The following RMST variants were observed in gnomAD, a reference collection of about 807,000 sequenced individuals.
The protein encoded by RMST is long intergenic non-protein coding RNA 54.
intron 11 of RMST, among the ~76,000 whole-genome samples, chr12:97,537,959 A>G (rs1399617482): frequency 1.3e-5 from 2 of 151,398 alleles, no homozygotes; most frequent in Non-Finnish European, 3.0e-5. Flanking sequence ...GTACATCCAG[A>G]CACATCTATT....
intron 10 of RMST, among the ~76,000 whole-genome samples, chr12:97,500,443 C>G (rs1227391421): frequency 6.6e-6 from 1 of 152,186 alleles, no homozygotes; most frequent in Non-Finnish European, 1.5e-5. Flanking sequence ...TATCAAGAAC[C>G]TACTGTGCAT....
intron 5 of RMST, among the ~76,000 whole-genome samples, chr12:97,483,124 G>A (rs1302341247): frequency 6.6e-6 from 1 of 151,994 alleles, no homozygotes; most frequent in Non-Finnish European, 1.5e-5. Flanking sequence ...CGAATTTTTA[G>A]TTTCTTGGCC....
intron 10 of RMST, among the ~76,000 whole-genome samples, chr12:97,512,766 A>G (rs1879509431): frequency 1.3e-5 from 2 of 152,216 alleles, no homozygotes; most frequent in South Asian, 4.1e-4. Context: ...GCTGCCTGCC[A>G]ATCCCGCGCC....
chr12:97,545,684 G>T (rs1225960152), intron 11 of RMST, among the ~76,000 whole-genome samples: 1 of 152,040 alleles, frequency 6.6e-6, no homozygotes, highest in Non-Finnish European at 1.5e-5. Flanking sequence ...TAGGGCTAGG[G>T]ATATTTGCGT....
chr12:97,543,600 G>A (rs539594262), intron 11 of RMST, among the ~76,000 whole-genome samples: 49 of 152,056 alleles, frequency 3.2e-4, no homozygotes, highest in African/African-American at 9.6e-4. Flanking sequence ...AATGATGTGC[G>A]TATGACTATG....
intron 11 of RMST, among the ~76,000 whole-genome samples, chr12:97,544,498 T>A (rs1239326630): frequency 1.3e-5 from 2 of 151,920 alleles, no homozygotes; most frequent in African/African-American, 4.8e-5. Context: ...GGACAGTACG[T>A]TCAATGTAAT....
At chr12:97,526,014 C>T (rs980657437) in intron 10 of RMST, among the ~76,000 whole-genome samples, 6 of 151,958 alleles carry the variant, frequency 3.9e-5, no homozygotes, top group Non-Finnish European at 7.4e-5. Flanking sequence ...CTGTCACTGT[C>T]CCCATCACCC....
intron 11 of RMST, among the ~76,000 whole-genome samples, chr12:97,535,240 A>T: frequency 6.6e-6 from 1 of 151,714 alleles, no homozygotes. Flanking sequence ...TTAGTTTTCT[A>T]GGACTAGTTT....
At chr12:97,466,241 T>TAATCATTG (rs1203458983) in intron 5 of RMST, among the ~76,000 whole-genome samples, 1 of 152,194 alleles carries the variant, frequency 6.6e-6, no homozygotes, top group African/African-American at 2.4e-5. Flanking sequence ...GGCGTACAAG[T>TAATCATTG]AATCATTGTG....
At chr12:97,564,940 C>A (rs1019411282) in exon 14 of RMST, 8 of 152,100 alleles carry the variant, frequency 5.3e-5, no homozygotes, top group African/African-American at 1.9e-4. Flanking sequence ...TTTACTTTTG[C>A]TTGAAGTGTT....
intron 10 of RMST, among the ~76,000 whole-genome samples, chr12:97,529,536 A>G (rs1409936719): frequency 2.0e-5 from 3 of 152,064 alleles, no homozygotes; most frequent in East Asian, 3.9e-4. Context: ...ATTTATTGAT[A>G]AATATAACTT....
Position 97,468,691 on chromosome 12 carries a change from T to C in RMST, n.644+2964T>C, listed in dbSNP as rs1048224910. Among the ~76,000 whole-genome samples, 3 of 152,000 alleles carry C rather than the reference T, an allele frequency of 2.0e-5. No homozygotes were observed. In the East Asian group the frequency reaches 5.8e-4, roughly 29 times the overall value. ...TGTAGTTAATTATCACGATCTCAAG[T>C]GTTTTAATATAGTTTACCGTAGAGA... is the stretch of plus-strand genomic sequence containing the variant. On this transcript the variant is annotated intron_variant and non_coding_transcript_variant, in intron 5 of 13. Coordinates refer to ENST00000640149, the Ensembl canonical transcript of RMST.
At chr12:97,468,772 A>G (rs1565915371) in intron 5 of RMST, among the ~76,000 whole-genome samples, 1 of 152,036 alleles carries the variant, frequency 6.6e-6, no homozygotes, top group Non-Finnish European at 1.5e-5. Context: ...AATTTGCTAG[A>G]AATTGGAAAC....
At chr12:97,532,160 A>C (rs1425543438) in intron 11 of RMST, among the ~76,000 whole-genome samples, 1 of 151,984 alleles carries the variant, frequency 6.6e-6, no homozygotes, top group Non-Finnish European at 1.5e-5. Flanking sequence ...GTGGAGATTT[A>C]AATCATTATT....
intron 10 of RMST, among the ~76,000 whole-genome samples, chr12:97,506,181 G>A (rs761684510): frequency 1.7e-4 from 24 of 141,054 alleles, no homozygotes; most frequent in African/African-American, 1.9e-4. Flanking sequence ...ATTAAAAGGC[G>A]TTTATTAGCA....
At chr12:97,512,021 A>T (rs1592711388) in intron 10 of RMST, among the ~76,000 whole-genome samples, 1 of 152,296 alleles carries the variant, frequency 6.6e-6, no homozygotes, top group East Asian at 1.9e-4. Context: ...ACAGTTCTTA[A>T]AGGTGGCGTG....
chr12:97,517,466 C>T (rs1565929589), intron 10 of RMST, among the ~76,000 whole-genome samples: 1 of 151,860 alleles, frequency 6.6e-6, no homozygotes, highest in African/African-American at 2.4e-5. Flanking sequence ...TTCTCCAGAT[C>T]TGCCAGTTAA....
chr12:97,463,312 A>T (rs1035680681), intron 4 of RMST: 2 of 151,968 alleles, frequency 1.3e-5, no homozygotes, highest in African/African-American at 2.4e-5. Context: ...TTATGCCCTG[A>T]TTCTTGTATT....
At chr12:97,563,899 T>C (rs377622561) in intron 13 of RMST, 16 of 509,538 alleles carry the variant, frequency 3.1e-5, no homozygotes, top group African/African-American at 2.9e-4. Flanking sequence ...ATGAAATACA[T>C]TGTGAAAAAT....
Sources: gnomAD v4.1 joint callset for allele counts (sites outside exome capture counted in the v4.1 genomes callset) on GRCh38, gnomAD v4.1.1 for gene constraint, MANE v1.5 for transcripts, NCBI Gene and HGNC (gene_info 2026-07-23, HGNC 2026-07-21) for gene names.